LRRC37A2: variants seen among roughly 807,000 people sequenced by gnomAD.
LRRC37A2 encodes the protein leucine-rich repeat-containing protein 37A2.
A neutral mutation model predicts 68.8 loss-of-function variants in LRRC37A2; 9 were observed. The observed-to-expected ratio is 0.13, with a 90% confidence interval of 0.08 to 0.23. The LOEUF (loss-of-function observed/expected upper bound fraction) is 0.23. LRRC37A2 is among the 10% of genes least tolerant of loss of function. The pLI, the probability that LRRC37A2 is intolerant of heterozygous loss-of-function variation, is 1.00. For missense variants in LRRC37A2, 168 were observed against 950.4 expected, an observed-to-expected ratio of 0.18 and a Z score of 10.82; for synonymous variants, 63 against 367.6, an observed-to-expected ratio of 0.17 and a Z score of 9.48.
chr17:46,922,988 C>T, the LRRC37A2 span: 3,416 of 616,552 alleles, frequency 5.5e-3, 94 homozygotes, highest in African/African-American at 0.056. Context: ...GAGCCTGTGA[C>T]TACACTTATC....
At chr17:46,926,553 T>C in the LRRC37A2 span, among the ~76,000 whole-genome samples, 4 of 152,354 alleles carry the variant, frequency 2.6e-5, no homozygotes, top group East Asian at 7.7e-4. Flanking sequence ...TAGAGAGGGC[T>C]AAGACTTCTT....
At chr17:46,954,762 C>T in the LRRC37A2 span, among the ~76,000 whole-genome samples, 1 of 152,102 alleles carries the variant, frequency 6.6e-6, no homozygotes, top group Non-Finnish European at 1.5e-5. Flanking sequence ...AATTGGATTC[C>T]TAGGTATTTT....
the LRRC37A2 span, among the ~76,000 whole-genome samples, chr17:46,815,248 G>C: frequency 1.3e-5 from 2 of 152,070 alleles, no homozygotes; most frequent in Admixed American, 1.3e-4. Flanking sequence ...GGGAATTCGA[G>C]AAATCAGTGC....
the LRRC37A2 span, chr17:46,722,233 C>G: frequency 8.7e-6 from 11 of 1,268,570 alleles, no homozygotes; most frequent in South Asian, 1.2e-4. Context: ...GAGAGCACGT[C>G]AAAATCCCTA....
the LRRC37A2 span, among the ~76,000 whole-genome samples, chr17:46,785,028 T>C: frequency 1.4e-4 from 21 of 152,172 alleles, no homozygotes; most frequent in South Asian, 1.0e-3. Flanking sequence ...CTGCCCGCCT[T>C]GGCCTCCCAA....
At chr17:46,741,139 G>A in the LRRC37A2 span, among the ~76,000 whole-genome samples, 3 of 152,100 alleles carry the variant, frequency 2.0e-5, no homozygotes, top group African/African-American at 7.2e-5. Context: ...TGTAGTTTCA[G>A]CTCCCTCACT....
chr17:46,723,480 C>T, the LRRC37A2 span, among the ~76,000 whole-genome samples: 1 of 152,304 alleles, frequency 6.6e-6, no homozygotes, highest in African/African-American at 2.4e-5. Flanking sequence ...CAACTCAAAG[C>T]CAAAAGGAAC....
the LRRC37A2 span, among the ~76,000 whole-genome samples, chr17:46,779,253 GA>G: frequency 6.6e-6 from 1 of 152,196 alleles, no homozygotes; most frequent in Non-Finnish European, 1.5e-5. Flanking sequence ...CTACACACAG[GA>G]CAAGACTCCT....
the LRRC37A2 span, among the ~76,000 whole-genome samples, chr17:46,909,424 T>A: frequency 6.6e-6 from 1 of 152,224 alleles, no homozygotes; most frequent in Non-Finnish European, 1.5e-5. Context: ...ATTAATACAT[T>A]TTATTTAATC....
chr17:46,714,084 A>G, the LRRC37A2 span: 1 of 1,286,182 alleles, frequency 7.8e-7, no homozygotes, highest in Non-Finnish European at 1.0e-6. Context: ...ATAAACCCAT[A>G]GCAACTATGT....
the LRRC37A2 span, among the ~76,000 whole-genome samples, chr17:46,922,557 T>C: frequency 6.6e-6 from 1 of 152,218 alleles, no homozygotes; most frequent in South Asian, 2.1e-4. Context: ...AGAGTATACA[T>C]ATCTTATTTC....
the LRRC37A2 span, chr17:46,978,486 C>A: frequency 2.5e-6 from 2 of 816,256 alleles, no homozygotes; most frequent in Non-Finnish European, 3.6e-6. Context: ...AGTCCCTTCC[C>A]GCGCCCCCGC....
the LRRC37A2 span, among the ~76,000 whole-genome samples, chr17:46,904,518 T>G: frequency 6.7e-6 from 1 of 149,042 alleles, no homozygotes; most frequent in Non-Finnish European, 1.5e-5. Context: ...GGACGGATGA[T>G]GGATGGATGG....
At chr17:46,498,882 C>T in the LRRC37A2 span, among the ~76,000 whole-genome samples, 12 of 150,380 alleles carry the variant, frequency 8.0e-5, no homozygotes, top group East Asian at 1.9e-4. Flanking sequence ...TGTAGATATA[C>T]GTATATATAT....
chr17:47,028,971 G>C, the LRRC37A2 span, among the ~76,000 whole-genome samples: 2 of 151,762 alleles, frequency 1.3e-5, no homozygotes, highest in African/African-American at 4.8e-5. Context: ...TGGAGGTCAG[G>C]AGTTTGAGAC....
At chr17:46,883,065 G>A in the LRRC37A2 span, among the ~76,000 whole-genome samples, 21 of 151,734 alleles carry the variant, frequency 1.4e-4, no homozygotes, top group South Asian at 2.1e-4. Context: ...TGCAAGCTCC[G>A]CCTCCCAGGT....
the LRRC37A2 span, among the ~76,000 whole-genome samples, chr17:47,037,808 A>G: frequency 2.6e-5 from 4 of 152,202 alleles, no homozygotes; most frequent in African/African-American, 9.6e-5. Flanking sequence ...TACTTGACAT[A>G]GGTCTGTCTA....
At chr17:46,983,319 C>CTT in the LRRC37A2 span, among the ~76,000 whole-genome samples, 1 of 130,600 alleles carries the variant, frequency 7.7e-6, no homozygotes, top group Non-Finnish European at 1.6e-5. Context: ...TTTTTTGAGA[C>CTT]GGAGTCTCGC....
chr17:46,928,953 A>G, the LRRC37A2 span, among the ~76,000 whole-genome samples: 1 of 151,894 alleles, frequency 6.6e-6, no homozygotes, highest in African/African-American at 2.4e-5. Flanking sequence ...CACTGTGCAG[A>G]GCTGCCCCTC....
Sources: gnomAD v4.1 joint callset for allele counts (sites outside exome capture counted in the v4.1 genomes callset) on GRCh38, gnomAD v4.1.1 for gene constraint, MANE v1.5 for transcripts, NCBI Gene and HGNC (gene_info 2026-07-23, HGNC 2026-07-21) for gene names.